FGGY: variants seen among roughly 807,000 people sequenced by gnomAD.
FGGY encodes the protein FGGY carbohydrate kinase domain-containing protein.
FGGY carries 72 observed loss-of-function variants against 71.3 expected under a neutral mutation model. The observed-to-expected ratio is 1.01, with a 90% CI of 0.84 to 1.23. The LOEUF is 1.23. Among genes scored for constraint, FGGY ranks in the 50% most tolerant of loss-of-function variants. The pLI is 0.00. For synonymous variants in FGGY, 251 were observed against 250.3 expected (o/e 1.00, Z -0.02); for missense variants, 668 against 682.3 (o/e 0.98, Z 0.23).
chr1:59,405,796 A>G (rs567260069), intron 5 of FGGY, among the ~76,000 whole-genome samples: 1 of 152,210 alleles, frequency 6.6e-6, no homozygotes, highest in East Asian at 1.9e-4. Context: ...GGTGTGGGAA[A>G]CACTTTGAGA....
In FGGY at chr1:59,390,621, GA is replaced by G. The variant is rs529175252; in HGVS notation, c.554+11786del. On this transcript the variant is annotated intron_variant, in intron 5 of 15. Coordinates refer to ENST00000303721, the MANE Select transcript of FGGY (RefSeq NM_018291.5). Reference sequence around the variant, plus strand: ...GCTAGGTTTATAATCAAACTGAGGTGAAGGGGAATCGGGGCAGTGTAGGCTT... The same window carrying G: ...GCTAGGTTTATAATCAAACTGAGGTGAGGGGAATCGGGGCAGTGTAGGCTT... Among the ~76,000 whole-genome samples, 13 of 152,306 alleles carry G rather than the reference GA, an allele frequency of 8.5e-5. No homozygotes were observed. In the South Asian group the frequency reaches 2.5e-3, roughly 29 times the overall value.
chr1:59,491,286 A>G (rs1370330950), intron 6 of FGGY, among the ~76,000 whole-genome samples: 3 of 150,948 alleles, frequency 2.0e-5, no homozygotes, highest in African/African-American at 7.3e-5. Context: ...GATAGGGATT[A>G]CGTTGAGTGT....
intron 6 of FGGY, among the ~76,000 whole-genome samples, chr1:59,490,382 C>T (rs1003971404): frequency 2.0e-5 from 3 of 152,146 alleles, no homozygotes; most frequent in Non-Finnish European, 4.4e-5. Flanking sequence ...TTTTCCTGTA[C>T]CAATGGTTGA....
intron 5 of FGGY, among the ~76,000 whole-genome samples, chr1:59,421,222 T>TGAACCCTCATTC (rs907915850): frequency 6.6e-6 from 1 of 152,174 alleles, no homozygotes; most frequent in Non-Finnish European, 1.5e-5. Context: ...CACCCTTATT[T>TGAACCCTCATTC]GAACCCTCAT....
intron 14 of FGGY, among the ~76,000 whole-genome samples, 165 bp from the exon 15 acceptor site, chr1:59,757,766 T>C (rs1396786384): frequency 2.0e-5 from 3 of 152,188 alleles, no homozygotes; most frequent in Admixed American, 2.0e-4. Context: ...ATTCCTATTT[T>C]TGTGTTTTAT....
At chr1:59,467,891 TTTTTG>T (rs942165054) in intron 6 of FGGY, among the ~76,000 whole-genome samples, 5 of 145,270 alleles carry the variant, frequency 3.4e-5, no homozygotes, top group Admixed American at 2.9e-4. Context: ...TTTCTTGTTT[TTTTTG>T]TTTTGTTTTG....
At position 59,592,676 on chromosome 1, in the gene FGGY, A is replaced by G. The variant is rs533406681; in HGVS notation, c.904-15127A>G. Among the ~76,000 whole-genome samples the G allele has an allele frequency of 5.3e-5, 8 of 152,102 alleles. No homozygotes were observed. The East Asian group carries it at 1.4e-3, about 26-fold the overall frequency. On this transcript the variant is annotated intron_variant, in intron 8 of 15. Transcript: ENST00000303721. Reference sequence around the variant, plus strand: ...TGGAAATCATTATTCTCAGTAAACTATAGCAAGAACAAAAGACCAAACACC... The same window carrying G: ...TGGAAATCATTATTCTCAGTAAACTGTAGCAAGAACAAAAGACCAAACACC...
intron 5 of FGGY, among the ~76,000 whole-genome samples, chr1:59,444,382 A>G (rs1231818412): frequency 2.0e-5 from 3 of 152,158 alleles, no homozygotes; most frequent in Non-Finnish European, 1.5e-5. Flanking sequence ...TATCCATCTC[A>G]AGCCTTTTTC....
At chr1:59,303,861 C>A (rs564797139) in intron 1 of FGGY, among the ~76,000 whole-genome samples, 2 of 151,796 alleles carry the variant, frequency 1.3e-5, no homozygotes, top group Non-Finnish European at 2.9e-5. Flanking sequence ...TGGGTGAGCA[C>A]GTTTTCATAT....
intron 14 of FGGY, among the ~76,000 whole-genome samples, chr1:59,690,104 A>G (rs561781698): frequency 6.6e-6 from 1 of 152,342 alleles, no homozygotes; most frequent in East Asian, 1.9e-4. Context: ...GGAGAAATTT[A>G]TAGAAAATCC....
rs191355469 is a variant in FGGY at position 59,670,301 on chromosome 1, A to T, written c.1417+2898A>T. Among the ~76,000 whole-genome samples, 682 of 152,400 alleles carry T rather than the reference A, an allele frequency of 4.5e-3. 4 individuals carry two copies. The highest frequency in any genetic ancestry group is 6.4e-3 in the Non-Finnish European group (435 of 68,042). ...CCCTGTAAAAGGCACGTACACAAGC[A>T]GCCAGTATAGAGGTAGTGTCATTGG... On this transcript the variant is annotated intron_variant, in intron 13 of 15. Transcript: ENST00000303721.
chr1:59,336,477 T>TA (rs2049530100), intron 2 of FGGY, among the ~76,000 whole-genome samples: 1 of 37,888 alleles, frequency 2.6e-5, no homozygotes, highest in Non-Finnish European at 4.4e-5. Flanking sequence ...TAAAACCTGC[T>TA]AGTTTTTTTT....
chr1:59,481,506 CAT>C (rs750153601), intron 6 of FGGY, among the ~76,000 whole-genome samples: 18 of 152,178 alleles, frequency 1.2e-4, no homozygotes, highest in Admixed American at 5.2e-4. Flanking sequence ...AGAATTATGA[CAT>C]GTGGGAATCA....
intron 4 of FGGY, among the ~76,000 whole-genome samples, chr1:59,347,590 A>C (rs1363736522): frequency 2.0e-5 from 3 of 152,148 alleles, no homozygotes; most frequent in African/African-American, 7.2e-5. Flanking sequence ...GTAGCATGGT[A>C]CTGGTACCAA....
intron 14 of FGGY, among the ~76,000 whole-genome samples, chr1:59,710,377 A>G (rs891168963): frequency 2.6e-5 from 4 of 152,370 alleles, no homozygotes; most frequent in South Asian, 2.1e-4. Flanking sequence ...CATTCAGGAC[A>G]TAGGCATGGG....
chr1:59,415,552 C>A (rs1050767580), intron 5 of FGGY, among the ~76,000 whole-genome samples: 2 of 152,202 alleles, frequency 1.3e-5, no homozygotes, highest in African/African-American at 4.8e-5. Flanking sequence ...TATGTCATTT[C>A]TTACGATGTG....
chr1:59,443,938 G>A (rs139314492), intron 5 of FGGY, among the ~76,000 whole-genome samples: 269 of 152,288 alleles, frequency 1.8e-3, no homozygotes, highest in Middle Eastern at 3.4e-3. Flanking sequence ...CTAGAGAGTG[G>A]TCCAATAATG....
chr1:59,553,851 G>T (rs984455498), intron 7 of FGGY: 1 of 306,648 alleles, frequency 3.3e-6, no homozygotes, highest in Admixed American at 4.7e-5. Flanking sequence ...GATAGCTGCT[G>T]CTTTTATTAT....
chr1:59,708,443 G>T (rs139809691), intron 14 of FGGY, among the ~76,000 whole-genome samples: 1 of 152,238 alleles, frequency 6.6e-6, no homozygotes, highest in Non-Finnish European at 1.5e-5. Context: ...ACCAGGCTCG[G>T]CCCCTATTAA....
Sources: allele counts gnomAD v4.1 joint callset (sites outside exome capture counted in the v4.1 genomes callset), GRCh38; gene constraint gnomAD v4.1.1; transcripts MANE v1.5; gene names NCBI Gene and HGNC (gene_info 2026-07-23, HGNC 2026-07-21).